The following RAD1 variants were observed in gnomAD, a reference collection of about 807,000 sequenced individuals.
The protein encoded by RAD1 is RAD1 checkpoint DNA exonuclease, also known as cell cycle checkpoint protein RAD1.
A neutral mutation model predicts 30.0 loss-of-function variants in RAD1; 21 were observed. The ratio of observed to expected loss-of-function variants is 0.70; its 90% CI spans 0.50 to 1.01. RAD1 has a LOEUF of 1.01. Ranked by LOEUF, RAD1 falls within the 50% of genes least tolerant of loss-of-function variation. The pLI, the probability that RAD1 is intolerant of heterozygous loss-of-function variation, is 0.00. For missense variants in RAD1, 329 were observed against 329.0 expected, an observed-to-expected ratio of 1.00 and a Z score of 0.00; for synonymous variants, 109 against 113.6, an observed-to-expected ratio of 0.96 and a Z score of 0.26.
At chr5:34,909,158 T>G in intron 5 of RAD1, 100 bp downstream of exon 5, 1 of 999,856 alleles carries the variant, frequency 1.0e-6, no homozygotes. Context: ...TAAAATGCTG[T>G]GCATTTTAAT....
chr5:34,914,498 C>G (rs1404568157), intron 2 of RAD1, 197 bp downstream of exon 2: 1 of 597,740 alleles, frequency 1.7e-6, no homozygotes, highest in East Asian at 2.9e-5. Context: ...GAATTTGTTA[C>G]CGGGAGAGAA....
At chr5:34,915,108 C>A in intron 1 of RAD1, 147 bp from the exon 2 acceptor site, 1 of 574,604 alleles carries the variant, frequency 1.7e-6, no homozygotes, top group East Asian at 2.8e-5. Flanking sequence ...CTTTGTAATT[C>A]TGGAGGAAAA....
At position 34,909,360 on chromosome 5, in the gene RAD1, T is replaced by C; in HGVS notation, c.567-4A>G. On this transcript the variant is annotated splice_region_variant and splice_polypyrimidine_tract_variant and intron_variant, in intron 4 of 5. Coordinates refer to ENST00000382038, the MANE Select transcript of RAD1 (RefSeq NM_002853.4). ...TGCATTTCCAAAAGTAGATAACCTA[T>C]AGAAAATGATTACCTCATTTATTCA... The C allele has an allele frequency of 6.4e-7, 1 of 1,561,230 alleles. No individual in the cohort carries two copies. Among genetic ancestry groups the C allele is most frequent in the East Asian group, 2.3e-5 (1 of 44,440 alleles).
At chr5:34,915,157 A>T (rs2111959693) in intron 1 of RAD1, among the ~76,000 whole-genome samples, 196 bp from the exon 2 acceptor site, 1 of 152,344 alleles carries the variant, frequency 6.6e-6, no homozygotes, top group African/African-American at 2.4e-5. Context: ...GTAAGAGGAC[A>T]ATAACGTGAA....
At position 34,911,550 on chromosome 5, in the gene RAD1, G is replaced by A. The variant is rs753246408; in HGVS notation, c.566+4C>T. 58 of 1,613,786 alleles carry A rather than the reference G, an allele frequency of 3.6e-5. No individual in the cohort carries two copies. The South Asian group carries it at 5.8e-4, about 16-fold the overall frequency. On this transcript the variant is annotated splice_donor_region_variant and intron_variant, in intron 4 of 5. Coordinates refer to ENST00000382038, the MANE Select transcript of RAD1 (RefSeq NM_002853.4). Reference sequence around the variant, plus strand: ...TTAACTATAACTGCACTGCTCTCAAGTACCTGAAATAAGGCTTGTCAGGAG... The same window carrying A: ...TTAACTATAACTGCACTGCTCTCAAATACCTGAAATAAGGCTTGTCAGGAG...
Position 34,907,981 on chromosome 5 carries a change from C to T in RAD1, c.*784G>A, listed in dbSNP as rs995057316. 6.6e-6 allele frequency: 1 copy of T among 152,196 alleles called. No homozygotes were observed. The highest frequency in any genetic ancestry group is 1.5e-5 in the Non-Finnish European group (1 of 68,034). The allele number at this position is 152,196 out of a possible 1,614,324, so 9.4% of individuals were successfully genotyped here. On this transcript the variant is annotated 3_prime_UTR_variant, in exon 6 of 6. Coordinates refer to ENST00000382038, the MANE Select transcript of RAD1 (RefSeq NM_002853.4). ...TAAAATACAGAATGCTGGCCTCCTCCCCAGAGTTTGCTACAAGTTTGCAGG... is the reference window on the plus strand; with the variant it reads ...TAAAATACAGAATGCTGGCCTCCTCTCCAGAGTTTGCTACAAGTTTGCAGG...
In RAD1 at chr5:34,908,430, T is replaced by C. The variant is rs11542449; in HGVS notation, c.*335A>G. Reference sequence around the variant, plus strand: ...CCTCAGGTGATCCGCCCACCTCGGCTTCCCAAAGTGCTGGGATTAAAGCCA... The same window carrying C: ...CCTCAGGTGATCCGCCCACCTCGGCCTCCCAAAGTGCTGGGATTAAAGCCA... On this transcript the variant is annotated 3_prime_UTR_variant, in exon 6 of 6. Transcript: ENST00000382038. 1.1e-3 allele frequency: 181 copies of C among 164,584 alleles called. No homozygotes were observed. The highest frequency in any genetic ancestry group is 4.2e-3 in the African/African-American group (175 of 42,162). 10.2% of individuals were successfully genotyped at this position (164,584 alleles called of 1,614,324 possible). A position where few individuals can be genotyped will look rare whatever the true frequency, so the allele number is the denominator to read the frequency against.
Position 34,913,588 on chromosome 5 carries a change from G to T in RAD1, c.199-10C>A. The T allele has an allele frequency of 6.7e-7, 1 of 1,500,872 alleles. No individual in the cohort carries two copies. The highest frequency in any genetic ancestry group is 9.1e-7 in the Non-Finnish European group (1 of 1,099,772). 93.0% of individuals were successfully genotyped at this position (1,500,872 alleles called of 1,614,324 possible). A position where few individuals can be genotyped will look rare whatever the true frequency, so the allele number is the denominator to read the frequency against. On this transcript the variant is annotated splice_polypyrimidine_tract_variant and intron_variant, in intron 2 of 5. Coordinates refer to ENST00000382038, the MANE Select transcript of RAD1 (RefSeq NM_002853.4). Reference sequence around the variant, plus strand: ...CCTGAAATATTCCAGCCTATGAAAAGAGTAAAAATGAAAATTGTTACATAA... The same window carrying T: ...CCTGAAATATTCCAGCCTATGAAAATAGTAAAAATGAAAATTGTTACATAA...
At position 34,911,711 on chromosome 5, in the gene RAD1, G is replaced by C; in HGVS notation, c.409C>G (p.Gln137Glu). The C allele has an allele frequency of 6.2e-7, 1 of 1,614,134 alleles. No individual in the cohort carries two copies. The highest frequency in any genetic ancestry group is 1.1e-5 in the South Asian group (1 of 91,072). Reference sequence around the variant, plus strand: ...AAGTCCAGGGTCTCCTCAGGTTCCTGTGTATTGATTTTGCAGACTGTCACC... The same window carrying C: ...AAGTCCAGGGTCTCCTCAGGTTCCTCTGTATTGATTTTGCAGACTGTCACC... ...GVVTVCKINT[Q>E]EPEETLDFDF... The change falls in exon 4 of 6, where the codon CAG (glutamine) becomes GAG (glutamate). Residue 137 changes from glutamine to glutamate, a missense_variant. Gln to Glu is a conservative substitution (Grantham distance 29). Transcript: ENST00000382038.
chr5:34,908,893 C>A lies in RAD1; in HGVS notation c.721G>T (p.Val241Leu). The A allele has an allele frequency of 2.5e-6, 4 of 1,612,362 alleles. No individual in the cohort carries two copies. The highest frequency in any genetic ancestry group is 8.5e-7 in the Non-Finnish European group (1 of 1,179,026). The change falls in exon 6 of 6, where the codon GTA becomes TTA. Residue 241 changes from valine (V) to leucine (L), a missense_variant. Transcript: ENST00000382038. ...STKALVLSCK[V>L]SIRTDNRGFL... The stretch of plus-strand genomic sequence containing the variant: ...CCTCTGTTATCTGTCCGAATAGATA[C>A]CTTACAAGATAGGACTAATGCCTTT...
At chr5:34,909,180 A>G in intron 5 of RAD1, 78 bp downstream of exon 5, 1 of 1,144,518 alleles carries the variant, frequency 8.7e-7, no homozygotes, top group Non-Finnish European at 1.3e-6. Context: ...AACAGATTGA[A>G]AGTGTTTTTA....
At chr5:34,915,230 A>C in intron 1 of RAD1, 186 bp downstream of exon 1, 1 of 316,538 alleles carries the variant, frequency 3.2e-6, no homozygotes, top group Non-Finnish European at 5.9e-6. Context: ...GGAGCTACAA[A>C]TCCGCGGGGA....
rs376903852 is a variant in RAD1, at chr5:34,911,668, T to C, written c.452A>G (p.Asn151Ser). 8.1e-6 allele frequency: 13 copies of C among 1,614,152 alleles called. No homozygotes were observed. The highest frequency in any genetic ancestry group is 4.5e-5 in the East Asian group (2 of 44,876). Residue 151 changes from asparagine to serine, a missense_variant, in exon 4 of 6, where the codon AAT (asparagine) becomes AGT (serine). By Grantham distance (46) the Asn-to-Ser change is conservative (BLOSUM62 1). Coordinates refer to ENST00000382038, the MANE Select transcript of RAD1 (RefSeq NM_002853.4). Reference sequence around the variant, plus strand: ...CTGCAGAATAATTTTATTAATAACATTGGTGCTGCAGAAATCAAAGTCCAG... The same window carrying C: ...CTGCAGAATAATTTTATTAATAACACTGGTGCTGCAGAAATCAAAGTCCAG... The part of the protein sequence containing the change: ...ETLDFDFCST[N>S]VINKIILQSE...
chr5:34,911,478 T>C, intron 4 of RAD1, 76 bp downstream of exon 4: 1 of 1,514,584 alleles, frequency 6.6e-7, no homozygotes, highest in South Asian at 1.3e-5. Context: ...ATAAAAATTT[T>C]GCATCCTAAG....
At position 34,908,918 on chromosome 5, in the gene RAD1, T is replaced by C. The variant is rs767392550; in HGVS notation, c.696A>G (p.Thr232=). ...RYKISLLKPS[T]KALVLSCKVS... ...CCTTACAAGATAGGACTAATGCCTT[T>C]GTAGAGGGTTTCAGTAAGGAAATCT... Residue 232 remains threonine (T), a synonymous_variant, in exon 6 of 6, where the codon ACA becomes ACG. Transcript: ENST00000382038. The C allele has an allele frequency of 6.2e-7, 1 of 1,608,502 alleles. No individual in the cohort carries two copies. Among genetic ancestry groups the C allele is most frequent in the East Asian group, 2.2e-5 (1 of 44,778 alleles).
Position 34,913,596 on chromosome 5 carries a change from A to C in RAD1, c.199-18T>G. Reference sequence around the variant, plus strand: ...ATTCCAGCCTATGAAAAGAGTAAAAATGAAAATTGTTACATAAAAGAATAA... The same window carrying C: ...ATTCCAGCCTATGAAAAGAGTAAAACTGAAAATTGTTACATAAAAGAATAA... On this transcript the variant is annotated intron_variant, in intron 2 of 5. Coordinates refer to ENST00000382038, the MANE Select transcript of RAD1 (RefSeq NM_002853.4). The C allele has an allele frequency of 6.8e-7, 1 of 1,470,432 alleles. No individual in the cohort carries two copies. Among genetic ancestry groups the C allele is most frequent in the Non-Finnish European group, 9.3e-7 (1 of 1,072,824 alleles). The allele number at this position is 1,470,432 out of a possible 1,614,324, so 91.1% of individuals were successfully genotyped here.
chr5:34,915,293 T>G, intron 1 of RAD1, 123 bp downstream of exon 1: 1 of 273,444 alleles, frequency 3.7e-6, no homozygotes. Context: ...AAACAGGCGA[T>G]GGCGGGGCGG....
At chr5:34,913,981 C>A (rs778379922) in intron 2 of RAD1, 8 of 456,828 alleles carry the variant, frequency 1.8e-5, no homozygotes, top group Non-Finnish European at 4.4e-6. Flanking sequence ...CAGCCTCGGT[C>A]TCCTGAGCAG....
At position 34,906,073 on chromosome 5, in the gene RAD1, G is replaced by A. The variant is rs1305261356; in HGVS notation, c.*2692C>T. 6.6e-6 allele frequency: 1 copy of A among 151,994 alleles called. No individual in the cohort carries two copies. Among genetic ancestry groups the A allele is most frequent in the African/African-American group, 2.4e-5 (1 of 41,328 alleles). The allele number at this position is 151,994 out of a possible 1,614,324, so 9.4% of individuals were successfully genotyped here. A position where few individuals can be genotyped will look rare whatever the true frequency, so the allele number is the denominator to read the frequency against. ...AGTTTCAAGTGATTCTCTTGCCTCA[G>A]CCTCTCAAGTAGCTGGGATTACAGA... On this transcript the variant is annotated 3_prime_UTR_variant, in exon 6 of 6. Coordinates refer to ENST00000382038, the MANE Select transcript of RAD1 (RefSeq NM_002853.4).
Sources: allele counts gnomAD v4.1 joint callset (sites outside exome capture counted in the v4.1 genomes callset), GRCh38; gene constraint gnomAD v4.1.1; transcripts MANE v1.5; gene names NCBI Gene and HGNC (gene_info 2026-07-23, HGNC 2026-07-21).